Variants in DCAF8 observed in about 807,000 individuals in gnomAD.
The protein encoded by DCAF8 is DDB1- and CUL4-associated factor 8.
DCAF8 carries 20 observed loss-of-function variants against 68.0 expected under a neutral mutation model. The ratio of observed to expected loss-of-function variants is 0.29; its 90% CI spans 0.21 to 0.43. The LOEUF (loss-of-function observed/expected upper bound fraction) is 0.43, where lower values mean the gene tolerates loss of function less well. DCAF8 is among the 20% of genes least tolerant of loss of function. DCAF8 has a pLI of 1.00. For synonymous variants in DCAF8, 230 were observed against 276.9 expected, an observed-to-expected ratio of 0.83 and a Z score of 1.68; for missense variants, 460 against 771.0, an observed-to-expected ratio of 0.60 and a Z score of 4.78.
intron 11 of DCAF8, chr1:160,220,842 G>C (rs942827711): frequency 6.6e-6 from 1 of 152,184 alleles, no homozygotes; most frequent in African/African-American, 2.4e-5. Context: ...ATATAGAACT[G>C]CTGAGTCTAC....
chr1:160,216,467 G>A lies in DCAF8; in HGVS notation c.*1125C>T, dbSNP rs1194913589. The stretch of plus-strand genomic sequence containing the variant: ...CTACAAGACTTAAGGAGAGGTAGGA[G>A]ATCTGAGGCAGAGCTGAGAGGAATT... On this transcript the variant is annotated 3_prime_UTR_variant, in exon 14 of 14. Transcript: ENST00000368074. 2 of 152,444 alleles carry A rather than the reference G, an allele frequency of 1.3e-5. No individual in the cohort carries two copies. Among genetic ancestry groups the A allele is most frequent in the African/African-American group, 4.8e-5 (2 of 41,442 alleles). The allele number at this position is 152,444 out of a possible 1,614,324, so 9.4% of individuals were successfully genotyped here.
chr1:160,238,986 C>A lies in DCAF8; in HGVS notation c.724-239G>T. ...TTTCAGTTGGCTCTGGAAGATTGAACTGGCACATGATAAGAGCTCAGATGA... is the reference window on the plus strand; with the variant it reads ...TTTCAGTTGGCTCTGGAAGATTGAAATGGCACATGATAAGAGCTCAGATGA... On this transcript the variant is annotated intron_variant, in intron 4 of 13. Coordinates refer to ENST00000368074, the MANE Select transcript of DCAF8 (RefSeq NM_015726.4). 7.2e-6 allele frequency: 4 copies of A among 551,748 alleles called. No homozygotes were observed. The South Asian group carries it at 1.1e-4, about 16-fold the overall frequency. The allele number at this position is 551,748 out of a possible 1,614,324, so 34.2% of individuals were successfully genotyped here. A position where few individuals can be genotyped will look rare whatever the true frequency, so the allele number is the denominator to read the frequency against.
chr1:160,240,655 G>C (rs1348779600), intron 3 of DCAF8, among the ~76,000 whole-genome samples: 3 of 152,176 alleles, frequency 2.0e-5, no homozygotes, highest in African/African-American at 7.2e-5. Context: ...GCAAAACATT[G>C]GCATATTGTA....
chr1:160,237,701 G>C (rs776105019), intron 5 of DCAF8, among the ~76,000 whole-genome samples: 1 of 151,636 alleles, frequency 6.6e-6, no homozygotes, highest in Non-Finnish European at 1.5e-5. Context: ...TAATTTTTTC[G>C]CTTTTTTTTT....
At chr1:160,221,817 C>CAAAAAAAA (rs58539770) in intron 11 of DCAF8, among the ~76,000 whole-genome samples, 2 of 62,164 alleles carry the variant, frequency 3.2e-5, no homozygotes, top group African/African-American at 1.1e-4. Flanking sequence ...TTCTAGGTCT[C>CAAAAAAAA]AAAAAAAAAA....
chr1:160,235,740 A>ATT (rs556268467), intron 6 of DCAF8, among the ~76,000 whole-genome samples: 1 of 144,840 alleles, frequency 6.9e-6, no homozygotes. Context: ...ACTTACAATG[A>ATT]TTTTTTTTTT....
At position 160,225,588 on chromosome 1, in the gene DCAF8, T is replaced by G. The variant is rs1218163598; in HGVS notation, c.1143+3A>C. 6.2e-7 allele frequency: 1 copy of G among 1,611,946 alleles called. No homozygotes were observed. Among genetic ancestry groups the G allele is most frequent in the African/African-American group, 1.3e-5 (1 of 74,890 alleles). On this transcript the variant is annotated splice_donor_region_variant and intron_variant, in intron 8 of 13. Transcript: ENST00000368074. The stretch of plus-strand genomic sequence containing the variant: ...GCAGCAACTGGCCCTTCATGAATCT[T>G]ACCAGGTGATGAGGACAGAACTTCT...
Position 160,244,023 on chromosome 1 carries a change from G to C in DCAF8, c.-15C>G. ...TTGCTGGACATCTTGAATGATGTTT[G>C]CTGTAGCCAGCCTGGGTTTGGGAGA... On this transcript the variant is annotated 5_prime_UTR_variant, in exon 3 of 14. Transcript: ENST00000368074. 6.2e-7 allele frequency: 1 copy of C among 1,614,142 alleles called. No individual in the cohort carries two copies. Among genetic ancestry groups the C allele is most frequent in the Non-Finnish European group, 8.5e-7 (1 of 1,179,988 alleles).
At chr1:160,236,353 C>T (rs972651006) in intron 6 of DCAF8, among the ~76,000 whole-genome samples, 2 of 150,808 alleles carry the variant, frequency 1.3e-5, no homozygotes, top group African/African-American at 2.4e-5. Context: ...TATGTGTGTA[C>T]ATATGTGTGT....
chr1:160,242,762 G>A (rs556534073), intron 3 of DCAF8, among the ~76,000 whole-genome samples: 2 of 152,218 alleles, frequency 1.3e-5, no homozygotes, highest in East Asian at 1.9e-4. Context: ...CTACATAAAC[G>A]AACAGGCATG....
chr1:160,240,947 G>A (rs927785832), intron 3 of DCAF8, among the ~76,000 whole-genome samples: 5 of 152,084 alleles, frequency 3.3e-5, no homozygotes, highest in African/African-American at 4.8e-5. Flanking sequence ...CGTGGATCAC[G>A]AGGTTAGGAG....
intron 1 of DCAF8, 122 bp downstream of exon 1, chr1:160,262,327 G>C (rs1657135300): frequency 2.5e-6 from 1 of 399,386 alleles, no homozygotes; most frequent in South Asian, 1.3e-4. Context: ...ACAAGCACGG[G>C]AATCGGCGAG....
intron 7 of DCAF8, among the ~76,000 whole-genome samples, chr1:160,229,947 C>T (rs1478192273): frequency 2.0e-5 from 3 of 151,922 alleles, no homozygotes; most frequent in African/African-American, 7.3e-5. Context: ...CGCTTGAACC[C>T]GGGAAGCGGA....
At chr1:160,242,443 T>C (rs1199835529) in intron 3 of DCAF8, among the ~76,000 whole-genome samples, 2 of 152,054 alleles carry the variant, frequency 1.3e-5, no homozygotes, top group Non-Finnish European at 2.9e-5. Flanking sequence ...GAGCAGGGAC[T>C]GAAACACCAA....
intron 2 of DCAF8, among the ~76,000 whole-genome samples, chr1:160,259,295 G>A (rs1656962136): frequency 6.6e-6 from 1 of 152,186 alleles, no homozygotes; most frequent in Non-Finnish European, 1.5e-5. Flanking sequence ...AGCACTTTGG[G>A]AGGCTGAGGC....
rs1656052131 is a variant in DCAF8 at position 160,240,126 on chromosome 1, G to C, written c.294C>G (p.Arg98=). 1 of 1,613,896 alleles carries C rather than the reference G, an allele frequency of 6.2e-7. No homozygotes were observed. ...SINDENRVHD[R]SEEEEEEEEE... ...CTTCCTCCTCTTCCTCTTCCTCTGA[G>C]CGGTCATGGACTCGATTTTCATCAT... is the stretch of plus-strand genomic sequence containing the variant. Residue 98 remains arginine (R), a synonymous_variant, in exon 4 of 14, where the codon CGC becomes CGG. Transcript: ENST00000368074.
chr1:160,232,425 G>A (rs990705578), intron 6 of DCAF8, among the ~76,000 whole-genome samples: 3 of 152,100 alleles, frequency 2.0e-5, no homozygotes, highest in Admixed American at 2.0e-4. Flanking sequence ...GGTGGATCAT[G>A]AGGTCAGGAG....
intron 2 of DCAF8, among the ~76,000 whole-genome samples, chr1:160,255,507 G>C (rs1408265257): frequency 1.3e-5 from 2 of 152,182 alleles, no homozygotes; most frequent in Admixed American, 6.5e-5. Flanking sequence ...ATAATGATGA[G>C]GATTCAAACT....
In DCAF8 at chr1:160,236,371, CAT is replaced by C. The variant is rs577959110; in HGVS notation, c.959+762_959+763del. Among the ~76,000 whole-genome samples the C allele has an allele frequency of 1.7e-3, 263 of 150,982 alleles. 1 individual carries two copies. Among genetic ancestry groups the C allele is most frequent in the Middle Eastern group, 6.9e-3 (2 of 288 alleles). ...GTGTGTACATATGTGTGTATATAAA[CAT>C]ATATGTGTGTGTATATATGTGTACA... On this transcript the variant is annotated intron_variant, in intron 6 of 13. Coordinates refer to ENST00000368074, the MANE Select transcript of DCAF8 (RefSeq NM_015726.4).
Sources: gnomAD v4.1 joint callset for allele counts (sites outside exome capture counted in the v4.1 genomes callset) on GRCh38, gnomAD v4.1.1 for gene constraint, MANE v1.5 for transcripts, NCBI Gene and HGNC (gene_info 2026-07-23, HGNC 2026-07-21) for gene names.